Variants in L3HYPDH observed in about 807,000 individuals in gnomAD.
The protein encoded by L3HYPDH is trans-3-hydroxy-L-proline dehydratase.
A neutral mutation model predicts 26.5 loss-of-function variants in L3HYPDH; 32 were observed. The observed-to-expected ratio is 1.21, with a 90% CI of 0.91 to 1.62. The LOEUF is 1.62. Among genes scored for constraint, L3HYPDH ranks in the 40% most tolerant of loss-of-function variants. The pLI is 0.00. For missense variants in L3HYPDH, 554 were observed against 476.4 expected (o/e 1.16, Z -1.52); for synonymous variants, 215 against 196.6 (o/e 1.09, Z -0.78).
chr14:59,496,461 C>T, the L3HYPDH span, among the ~76,000 whole-genome samples: 1 of 151,812 alleles, frequency 6.6e-6, no homozygotes, highest in African/African-American at 2.4e-5. Flanking sequence ...ATAATGTAAT[C>T]TTATTTAAAA....
upstream of L3HYPDH, chr14:59,486,953 C>A: frequency 1.6e-6 from 1 of 635,366 alleles, no homozygotes; most frequent in Non-Finnish European, 2.7e-6. Flanking sequence ...GTAATCCCAG[C>A]ACTTTGGGAA....
chr14:59,475,877 C>A lies in L3HYPDH; in HGVS notation c.931G>T (p.Ala311Ser). ...SATGSVFTGK[A>S]VREAKCGDFK... is the part of the protein sequence containing the mutation. Reference sequence around the variant, plus strand: ...CTAAGGGTGCCACTTACCCTCACAGCTTTCCCTGTGAATACTGAGCCAGTT... The same window carrying A: ...CTAAGGGTGCCACTTACCCTCACAGATTTCCCTGTGAATACTGAGCCAGTT... The change falls in exon 4 of 5, where the codon GCT becomes TCT. Residue 311 changes from alanine (A) to serine (S), a missense_variant. Coordinates refer to ENST00000247194, the MANE Select transcript of L3HYPDH (RefSeq NM_144581.2). 6.2e-7 allele frequency: 1 copy of A among 1,612,306 alleles called. No individual in the cohort carries two copies. The highest frequency in any genetic ancestry group is 8.5e-7 in the Non-Finnish European group (1 of 1,179,538).
chr14:59,482,497 T>G (rs1890091800), intron 1 of L3HYPDH, among the ~76,000 whole-genome samples: 1 of 152,162 alleles, frequency 6.6e-6, no homozygotes, highest in South Asian at 2.1e-4. Context: ...GTCTAGAGTG[T>G]TTCTACTCTG....
chr14:59,482,101 G>GA (rs1356098767), intron 1 of L3HYPDH, among the ~76,000 whole-genome samples: 2 of 152,166 alleles, frequency 1.3e-5, no homozygotes, highest in African/African-American at 4.8e-5. Context: ...CTGTGAACAA[G>GA]AAAGAGTTTG....
At chr14:59,501,457 G>T in the L3HYPDH span, among the ~76,000 whole-genome samples, 3 of 152,118 alleles carry the variant, frequency 2.0e-5, no homozygotes, top group Non-Finnish European at 2.9e-5. Context: ...ATTTCCCTGG[G>T]AAATTAGCAA....
intron 2 of L3HYPDH, among the ~76,000 whole-genome samples, chr14:59,476,669 C>A (rs1889651218): frequency 6.6e-6 from 1 of 152,156 alleles, no homozygotes. Flanking sequence ...GAAGTTAACA[C>A]CAATGATAGA....
the L3HYPDH span, chr14:59,501,275 G>GTCTT: frequency 6.4e-7 from 1 of 1,561,652 alleles, no homozygotes; most frequent in South Asian, 1.1e-5. Flanking sequence ...GAGGTAGGAA[G>GTCTT]TCTTTTTTTC....
the L3HYPDH span, among the ~76,000 whole-genome samples, chr14:59,494,582 C>T: frequency 6.6e-6 from 1 of 152,124 alleles, no homozygotes; most frequent in Admixed American, 6.5e-5. Flanking sequence ...ACATGGTTGC[C>T]TCTAAGGGAG....
At chr14:59,471,657 T>C (rs773140293), downstream of L3HYPDH, among the ~76,000 whole-genome samples, 4 of 152,256 alleles carry the variant, frequency 2.6e-5, no homozygotes, top group Non-Finnish European at 5.9e-5. Flanking sequence ...CATTTCTGAA[T>C]GTACTTCAGT....
At chr14:59,494,974 A>C in the L3HYPDH span, 2 of 1,390,590 alleles carry the variant, frequency 1.4e-6, no homozygotes. Flanking sequence ...AGCCATTTAA[A>C]TATTGCAATT....
rs779731370 is a variant in L3HYPDH at position 59,479,223 on chromosome 14, C to T, written c.637G>A (p.Val213Met). The T allele has an allele frequency of 2.4e-5, 38 of 1,611,334 alleles. No individual in the cohort carries two copies. The Admixed American group carries it at 6.4e-4, about 27-fold the overall frequency. ...DICSAKTRDLVDAASAVTEAV... is the reference protein window; with the variant it reads ...DICSAKTRDLMDAASAVTEAV... Reference sequence around the variant, plus strand: ...TCTGTCACTGCACTCGCTGCATCCACAAGGTCCCTGGTCTTTGCAGAACAA... The same window carrying T: ...TCTGTCACTGCACTCGCTGCATCCATAAGGTCCCTGGTCTTTGCAGAACAA... The change falls in exon 2 of 5, where the codon GTG (valine) becomes ATG (methionine). Residue 213 changes from valine (V) to methionine (M), a missense_variant. Physicochemically the swap from Val to Met is conservative, Grantham distance 21 (BLOSUM62 1). Transcript: ENST00000247194.
downstream of L3HYPDH, among the ~76,000 whole-genome samples, chr14:59,470,955 C>CGGGGGGGGGGGGGGGGGGGG (rs57974393): frequency 3.6e-5 from 2 of 56,098 alleles, no homozygotes; most frequent in African/African-American, 1.5e-4. Flanking sequence ...TGGCTGGGGG[C>CGGGGGGGGGGGGGGGGGGGG]GGGGGGGGGG....
chr14:59,465,605 A>G (rs996867838), intron 1 of L3HYPDH, among the ~76,000 whole-genome samples: 3 of 152,212 alleles, frequency 2.0e-5, no homozygotes, highest in Admixed American at 6.5e-5. Flanking sequence ...AGATTCAACG[A>G]AAGTTCACTC....
chr14:59,502,672 T>A, the L3HYPDH span, among the ~76,000 whole-genome samples: 1 of 151,918 alleles, frequency 6.6e-6, no homozygotes, highest in South Asian at 2.1e-4. Flanking sequence ...GGAAAATTAG[T>A]TTTGGCGCTT....
upstream of L3HYPDH, chr14:59,484,790 G>A (rs889270620): frequency 4.0e-5 from 36 of 897,446 alleles, no homozygotes; most frequent in Non-Finnish European, 5.9e-5. Flanking sequence ...GCTACTAGGG[G>A]AGGCGCGCTG....
chr14:59,484,680 G>C, upstream of L3HYPDH: 1 of 1,481,938 alleles, frequency 6.7e-7, no homozygotes, highest in Non-Finnish European at 9.2e-7. Context: ...GCTCTTTGTA[G>C]GCGGCCTTCG....
At chr14:59,484,457 G>A, upstream of L3HYPDH, 1 of 1,383,302 alleles carries the variant, frequency 7.2e-7, no homozygotes, top group Non-Finnish European at 9.9e-7. Context: ...ACCCGGAAGC[G>A]AGGGAGGAAC....
the L3HYPDH span, chr14:59,503,764 T>A: frequency 1.3e-6 from 1 of 747,608 alleles, no homozygotes; most frequent in Non-Finnish European, 2.1e-6. Context: ...TTATAAATAA[T>A]ACATTTTATA....
At chr14:59,474,860 A>G (rs1271741) in intron 4 of L3HYPDH, 91,334 of 200,396 alleles carry the variant, frequency 0.46, 22,362 homozygotes, top group African/African-American at 0.67. Context: ...TGAAGACAGT[A>G]TGTTCCAAAT....
Sources: gnomAD v4.1 joint callset for allele counts (sites outside exome capture counted in the v4.1 genomes callset) on GRCh38, gnomAD v4.1.1 for gene constraint, MANE v1.5 for transcripts, NCBI Gene and HGNC (gene_info 2026-07-23, HGNC 2026-07-21) for gene names.